The following QRICH1 variants were observed in gnomAD, a reference collection of about 807,000 sequenced individuals.
QRICH1 encodes transcriptional regulator QRICH1.
In QRICH1, 16 loss-of-function variants were observed where a neutral mutation model predicts 87.1. The observed-to-expected ratio is 0.18, with a 90% CI of 0.12 to 0.28. QRICH1 has a LOEUF of 0.28. Ranked by LOEUF, QRICH1 falls within the 10% of genes least tolerant of loss-of-function variation. QRICH1 has a pLI of 1.00. For synonymous variants in QRICH1, 367 were observed against 368.4 expected (o/e 1.00, Z 0.05); for missense variants, 647 against 951.7 (o/e 0.68, Z 4.21).
intron 2 of QRICH1, among the ~76,000 whole-genome samples, chr3:49,064,634 G>A (rs1222184275): frequency 6.6e-6 from 1 of 152,178 alleles, no homozygotes; most frequent in Non-Finnish European, 1.5e-5. Flanking sequence ...GGGAGGCCAA[G>A]GTGGGTGGAT....
intron 6 of QRICH1, among the ~76,000 whole-genome samples, chr3:49,035,929 C>T (rs927944040): frequency 7.4e-6 from 1 of 135,552 alleles, no homozygotes; most frequent in Non-Finnish European, 1.6e-5. Flanking sequence ...AAAAAAAAAA[C>T]AAAAACTAGC....
chr3:49,050,227 C>A (rs2093362231), intron 3 of QRICH1, among the ~76,000 whole-genome samples: 1 of 112,298 alleles, frequency 8.9e-6, no homozygotes, highest in Non-Finnish European at 1.8e-5. Context: ...CCGGCCTGGG[C>A]TAAAGAGCGG....
At chr3:49,083,243 A>T (rs2042102763) in intron 1 of QRICH1, 3 of 142,114 alleles carry the variant, frequency 2.1e-5, no homozygotes, top group South Asian at 2.3e-4. Flanking sequence ...GCCTGGGATG[A>T]TGGTGCATGC....
intron 1 of QRICH1, among the ~76,000 whole-genome samples, chr3:49,091,004 C>T (rs1044915525): frequency 2.6e-5 from 4 of 152,058 alleles, no homozygotes; most frequent in East Asian, 1.9e-4. Flanking sequence ...GGGAGGATCC[C>T]GAGGTCAGGA....
intron 1 of QRICH1, among the ~76,000 whole-genome samples, chr3:49,082,311 A>G (rs1179539204): frequency 6.6e-6 from 1 of 152,230 alleles, no homozygotes; most frequent in Non-Finnish European, 1.5e-5. Flanking sequence ...TAGTTTTAGA[A>G]TACATTTCAT....
At chr3:49,085,008 T>A (rs549720025) in intron 1 of QRICH1, among the ~76,000 whole-genome samples, 1 of 146,044 alleles carries the variant, frequency 6.8e-6, no homozygotes, top group Admixed American at 6.9e-5. Flanking sequence ...CCGGGTGTGG[T>A]GTTGGGCGCC....
chr3:49,088,005 G>A (rs2107043717), intron 1 of QRICH1, among the ~76,000 whole-genome samples: 1 of 148,432 alleles, frequency 6.7e-6, no homozygotes, highest in South Asian at 2.1e-4. Context: ...AGGCTGGAAT[G>A]CAGTGGCACA....
chr3:49,074,645 G>A (rs1212887018), intron 2 of QRICH1, among the ~76,000 whole-genome samples: 1 of 151,754 alleles, frequency 6.6e-6, no homozygotes, highest in Non-Finnish European at 1.5e-5. Context: ...AGTACCAAAA[G>A]ATCTCTAATT....
rs2093226090 is a variant in QRICH1, at chr3:49,030,190, A to G, written c.*262T>C. On this transcript the variant is annotated 3_prime_UTR_variant, in exon 10 of 10. Coordinates refer to ENST00000395443, the MANE Select transcript of QRICH1 (RefSeq NM_198880.3). ...GCCCTTTCCCCAGGCCCCAGACAAAAAAGAGTCAGCCAGCAACTTTCTAGG... is the reference window on the plus strand; with the variant it reads ...GCCCTTTCCCCAGGCCCCAGACAAAGAAGAGTCAGCCAGCAACTTTCTAGG... 3.9e-6 allele frequency: 2 copies of G among 508,920 alleles called. No homozygotes were observed. Among genetic ancestry groups the G allele is most frequent in the Middle Eastern group, 5.1e-4 (1 of 1,970 alleles). The allele number at this position is 508,920 out of a possible 1,614,324, so 31.5% of individuals were successfully genotyped here. A position where few individuals can be genotyped will look rare whatever the true frequency, so the allele number is the denominator to read the frequency against.
At chr3:49,077,321 C>A (rs561425435) in intron 1 of QRICH1, among the ~76,000 whole-genome samples, 1 of 152,284 alleles carries the variant, frequency 6.6e-6, no homozygotes, top group African/African-American at 2.4e-5. Context: ...CTACCCAGCA[C>A]TAGGTCAATC....
At chr3:49,081,901 G>A (rs1046662610) in intron 1 of QRICH1, among the ~76,000 whole-genome samples, 7 of 151,668 alleles carry the variant, frequency 4.6e-5, no homozygotes, top group Non-Finnish European at 1.0e-4. Context: ...TCTGTCTCCC[G>A]GGTCCCAGCC....
intron 2 of QRICH1, among the ~76,000 whole-genome samples, chr3:49,074,791 A>C (rs1039751800): frequency 3.3e-5 from 5 of 151,604 alleles, no homozygotes; most frequent in Admixed American, 3.3e-4. Context: ...ATCCTGGCTA[A>C]CATGGTGAAA....
At chr3:49,035,260 T>G (rs2093268078) in intron 6 of QRICH1, among the ~76,000 whole-genome samples, 2 of 152,142 alleles carry the variant, frequency 1.3e-5, no homozygotes, top group Admixed American at 1.3e-4. Context: ...TTAGTGGAGA[T>G]GAGGTCTTGC....
chr3:49,066,097 C>G (rs1024560291), intron 2 of QRICH1, among the ~76,000 whole-genome samples: 1 of 151,944 alleles, frequency 6.6e-6, no homozygotes, highest in African/African-American at 2.4e-5. Context: ...CCAGCCTGGG[C>G]AATGTGGTGA....
intron 3 of QRICH1, among the ~76,000 whole-genome samples, chr3:49,051,426 A>G (rs1230543552): frequency 6.6e-6 from 1 of 151,964 alleles, no homozygotes; most frequent in Non-Finnish European, 1.5e-5. Flanking sequence ...TTTCTCTGCC[A>G]GGCCCTTACG....
intron 1 of QRICH1, among the ~76,000 whole-genome samples, chr3:49,079,905 T>C (rs1367830549): frequency 1.3e-5 from 2 of 152,000 alleles, no homozygotes; most frequent in African/African-American, 2.4e-5. Flanking sequence ...GTCAGGCACC[T>C]GTAATACCAG....
chr3:49,042,315 G>A (rs1007158099), intron 6 of QRICH1, among the ~76,000 whole-genome samples: 5 of 151,056 alleles, frequency 3.3e-5, no homozygotes, highest in Non-Finnish European at 5.9e-5. Flanking sequence ...TAGCCAGGAT[G>A]GTCTCGATCT....
At chr3:49,068,464 A>AG (rs1311720781) in intron 2 of QRICH1, among the ~76,000 whole-genome samples, 2 of 63,316 alleles carry the variant, frequency 3.2e-5, no homozygotes, top group Admixed American at 4.2e-4. Flanking sequence ...TCTCAAAAAA[A>AG]TTAAAAAAAA....
Position 49,057,612 on chromosome 3 carries a change from C to G in QRICH1, c.588G>C (p.Gln196His). 6.2e-7 allele frequency: 1 copy of G among 1,614,162 alleles called. No homozygotes were observed. Among genetic ancestry groups the G allele is most frequent in the Non-Finnish European group, 8.5e-7 (1 of 1,180,010 alleles). The change falls in exon 3 of 10, where the codon CAG (glutamine) becomes CAC (histidine). Residue 196 changes from glutamine (Q) to histidine (H), a missense_variant. Transcript: ENST00000395443. The surrounding 1 kb of genome is among the most constrained non-coding windows in gnomAD (Gnocchi z 5.4). ...GAGACTGGCCAGCCACCAGCTGAGCCTGGATTTGCTGATGTGGGATGTGCT... is the reference window on the plus strand; with the variant it reads ...GAGACTGGCCAGCCACCAGCTGAGCGTGGATTTGCTGATGTGGGATGTGCT... ...PEEHIPHQQI[Q>H]AQLVAGQSLA...
Sources: gnomAD v4.1 joint callset for allele counts (sites outside exome capture counted in the v4.1 genomes callset) on GRCh38, gnomAD v4.1.1 for gene constraint, Gnocchi (gnomAD v3.1) non-coding constraint, MANE v1.5 for transcripts, NCBI Gene and HGNC (gene_info 2026-07-23, HGNC 2026-07-21) for gene names.